ZNF670: variants seen among roughly 807,000 people sequenced by gnomAD.
ZNF670 encodes zinc finger protein 670.
Under a neutral mutation model 10.9 loss-of-function variants are expected in ZNF670, and 7 were observed. The ratio of observed to expected loss-of-function variants is 0.64; its 90% CI spans 0.36 to 1.20. The LOEUF (loss-of-function observed/expected upper bound fraction) is 1.20, where lower values mean the gene tolerates loss of function less well. Ranked by LOEUF, ZNF670 falls within the 50% of genes most tolerant of loss-of-function variation. The pLI is 0.02. For missense variants in ZNF670, 446 were observed against 458.6 expected (o/e 0.97, Z 0.25); for synonymous variants, 136 against 152.7 (o/e 0.89, Z 0.81).
Position 247,060,062 on chromosome 1 carries a change from G to A in ZNF670, c.3+18532C>T, listed in dbSNP as rs1670822711. Reference sequence around the variant, plus strand: ...CTAAGATGTCAGTTCTCCCCAATTTGAATAACAAATTCAGTACAATTACAA... The same window carrying A: ...CTAAGATGTCAGTTCTCCCCAATTTAAATAACAAATTCAGTACAATTACAA... On this transcript the variant is annotated intron_variant, in intron 1 of 3. Coordinates refer to ENST00000366503, the MANE Select transcript of ZNF670 (RefSeq NM_033213.5). Among the ~76,000 whole-genome samples, 3 of 152,042 alleles carry A rather than the reference G, an allele frequency of 2.0e-5. No homozygotes were observed. In the South Asian group the frequency reaches 6.2e-4, roughly 32 times the overall value.
chr1:247,077,010 C>T (rs901536301), intron 1 of ZNF670, among the ~76,000 whole-genome samples: 5 of 152,242 alleles, frequency 3.3e-5, no homozygotes, highest in Non-Finnish European at 7.3e-5. Flanking sequence ...GGTTCTTGCA[C>T]CACCTCACTG....
chr1:247,037,778 AG>A lies in ZNF670; in HGVS notation c.840del (p.Tyr281MetfsTer4). 6.2e-7 allele frequency: 1 copy of A among 1,613,880 alleles called. No individual in the cohort carries two copies. The highest frequency in any genetic ancestry group is 1.1e-5 in the South Asian group (1 of 91,044). Reference sequence around the variant, plus strand: ...GCTTTGCCACATTTTATACATTCATAGGGTTTTTCTCCAGTATGCGTTCTTT... The same window carrying A: ...GCTTTGCCACATTTTATACATTCATAGGTTTTTCTCCAGTATGCGTTCTTT... The part of the protein sequence containing the change: ...IHERTHTGEK[P>X]YECIKCGKAF... On this transcript the variant is annotated frameshift_variant, in exon 4 of 4. Coordinates refer to ENST00000366503, the MANE Select transcript of ZNF670 (RefSeq NM_033213.5). LOFTEE classifies it low-confidence loss of function (END_TRUNC).
intron 1 of ZNF670, among the ~76,000 whole-genome samples, chr1:247,076,088 C>T (rs1005523663): frequency 1.6e-4 from 24 of 151,942 alleles, no homozygotes; most frequent in Admixed American, 1.4e-3. Context: ...CTTTTCAAGG[C>T]AATAAACTCA....
chr1:247,056,771 G>C (rs1208402017), intron 1 of ZNF670, among the ~76,000 whole-genome samples: 2 of 152,046 alleles, frequency 1.3e-5, no homozygotes, highest in African/African-American at 2.4e-5. Flanking sequence ...TTCAATAAAT[G>C]GTGCTGGAAA....
At chr1:247,065,459 G>C (rs1228364619) in intron 1 of ZNF670, among the ~76,000 whole-genome samples, 1 of 129,938 alleles carries the variant, frequency 7.7e-6, no homozygotes, top group Non-Finnish European at 1.6e-5. Flanking sequence ...AAAAAATAAA[G>C]CCTCCGAAAA....
intron 1 of ZNF670, among the ~76,000 whole-genome samples, chr1:247,072,853 T>TACACACAC (rs67112261): frequency 0.025 from 2,500 of 99,936 alleles, 98 homozygotes; most frequent in Non-Finnish European, 0.028. Context: ...TACACACACA[T>TACACACAC]ACACACACAC....
chr1:247,064,233 T>C (rs1415704265), intron 1 of ZNF670, among the ~76,000 whole-genome samples: 1 of 152,248 alleles, frequency 6.6e-6, no homozygotes, highest in Non-Finnish European at 1.5e-5. Flanking sequence ...CAGAGTCATC[T>C]GGAACCTCCT....
rs1267860094 is a variant in ZNF670 at position 247,038,805 on chromosome 1, A to G, written c.191+5T>C. ...GGCATTTTTGCTCTTGTGAATGCAA[A>G]TTACCTTAGATTTCTCCCAGGATTT... On this transcript the variant is annotated splice_donor_5th_base_variant and intron_variant, in intron 3 of 3. Coordinates refer to ENST00000366503, the MANE Select transcript of ZNF670 (RefSeq NM_033213.5). 6.2e-7 allele frequency: 1 copy of G among 1,611,566 alleles called. No homozygotes were observed. The highest frequency in any genetic ancestry group is 2.2e-5 in the East Asian group (1 of 44,764).
chr1:247,050,348 C>T (rs1341884929), intron 1 of ZNF670, among the ~76,000 whole-genome samples: 1 of 152,180 alleles, frequency 6.6e-6, no homozygotes, highest in Non-Finnish European at 1.5e-5. Flanking sequence ...TACTCCTGCT[C>T]CTGCTCCCTT....
rs1313809933 is a variant in ZNF670 at position 247,039,405 on chromosome 1, T to G, written c.130+6A>C. On this transcript the variant is annotated splice_donor_region_variant and intron_variant, in intron 2 of 3. Transcript: ENST00000366503. ...CAACTACGTGAATAAGTGTTGTTATTCTTACCTACAGAAGCCAGGTTCCTG... is the reference window on the plus strand; with the variant it reads ...CAACTACGTGAATAAGTGTTGTTATGCTTACCTACAGAAGCCAGGTTCCTG... The G allele has an allele frequency of 1.9e-6, 3 of 1,602,574 alleles. No homozygotes were observed. Among genetic ancestry groups the G allele is most frequent in the Non-Finnish European group, 2.6e-6 (3 of 1,176,060 alleles).
intron 1 of ZNF670, among the ~76,000 whole-genome samples, chr1:247,049,037 A>T (rs561858228): frequency 6.6e-6 from 1 of 152,000 alleles, no homozygotes; most frequent in African/African-American, 2.4e-5. Flanking sequence ...AGTTGTTGAA[A>T]GTAGCCTTAG....
intron 1 of ZNF670, among the ~76,000 whole-genome samples, chr1:247,046,074 C>T (rs982962364): frequency 2.6e-5 from 4 of 151,686 alleles, no homozygotes; most frequent in Non-Finnish European, 4.4e-5. Flanking sequence ...GTGGTATGGT[C>T]GCTTCTTTGC....
At position 247,061,384 on chromosome 1, in the gene ZNF670, T is replaced by C. The variant is rs557094855; in HGVS notation, c.3+17210A>G. ...TTTTAGTAGAGATGGGGTTTCACCATCTTGGCCAGGCTAGTCTTGAACTTC... is the reference window on the plus strand; with the variant it reads ...TTTTAGTAGAGATGGGGTTTCACCACCTTGGCCAGGCTAGTCTTGAACTTC... On this transcript the variant is annotated intron_variant, in intron 1 of 3. Coordinates refer to ENST00000366503, the MANE Select transcript of ZNF670 (RefSeq NM_033213.5). Among the ~76,000 whole-genome samples the C allele has an allele frequency of 4.6e-3, 693 of 152,198 alleles. 1 individual carries two copies. The highest frequency in any genetic ancestry group is 9.1e-3 in the Admixed American group (139 of 15,282).
At chr1:247,059,455 T>C (rs1670804048) in intron 1 of ZNF670, among the ~76,000 whole-genome samples, 1 of 150,796 alleles carries the variant, frequency 6.6e-6, no homozygotes, top group African/African-American at 2.4e-5. Context: ...CAAAAAATAA[T>C]AGTAATAAAA....
rs771800348 is a variant in ZNF670, at chr1:247,038,249, A to C, written c.370T>G (p.Ser124Ala). 6.6e-5 allele frequency: 106 copies of C among 1,614,056 alleles called. No individual in the cohort carries two copies. The Admixed American group carries it at 8.7e-4, about 13-fold the overall frequency. The change falls in exon 4 of 4, where the codon TCT becomes GCT. Residue 124 changes from serine (S) to alanine (A), a missense_variant. Coordinates refer to ENST00000366503, the MANE Select transcript of ZNF670 (RefSeq NM_033213.5). ...CHSALHRHIL[S>A]HIGNKLFECE... ...TCAAATAGTTTGTTTCCAATGTGAG[A>C]CAGGATGTGCCTATGAAGGGCTGAA...
At chr1:247,068,319 C>CAAAAAAAAAAAAAAAAAAAAAAAAAAAAA (rs74163724) in intron 1 of ZNF670, among the ~76,000 whole-genome samples, 32 of 55,232 alleles carry the variant, frequency 5.8e-4, no homozygotes, top group Admixed American at 8.0e-4. Context: ...ATTCTGTCTC[C>CAAAAAAAAAAAAAAAAAAAAAAAAAAAAA]AAAAAAAAAA....
At chr1:247,054,587 C>G (rs111309726) in intron 1 of ZNF670, among the ~76,000 whole-genome samples, 6 of 152,294 alleles carry the variant, frequency 3.9e-5, no homozygotes, top group African/African-American at 9.6e-5. Context: ...AAAGAAAGAA[C>G]CTAGTCCTGG....
At chr1:247,070,787 G>T (rs1437398687) in intron 1 of ZNF670, among the ~76,000 whole-genome samples, 1 of 151,888 alleles carries the variant, frequency 6.6e-6, no homozygotes, top group African/African-American at 2.4e-5. Context: ...TAATCAACAA[G>T]GAAAAATGGC....
intron 1 of ZNF670, among the ~76,000 whole-genome samples, chr1:247,047,640 G>T (rs1670483516): frequency 6.6e-6 from 1 of 152,202 alleles, no homozygotes; most frequent in Admixed American, 6.5e-5. Flanking sequence ...CTAGGCCACT[G>T]CAGCAAACTT....
Sources: gnomAD v4.1 joint callset for allele counts (sites outside exome capture counted in the v4.1 genomes callset) on GRCh38, gnomAD v4.1.1 for gene constraint, MANE v1.5 for transcripts, NCBI Gene and HGNC (gene_info 2026-07-23, HGNC 2026-07-21) for gene names.